Variants in CLXN observed in about 807,000 individuals in gnomAD.
The protein encoded by CLXN is calaxin, also known as EF-hand calcium binding domain 1.
the CLXN span, chr8:48,711,829 G>A: frequency 7.2e-5 from 11 of 152,288 alleles, no homozygotes; most frequent in South Asian, 1.7e-3. Context: ...CACATAGGAC[G>A]TTCCTGATTT....
At chr8:48,730,411 T>C in the CLXN span, 1 of 535,124 alleles carries the variant, frequency 1.9e-6, no homozygotes, top group Non-Finnish European at 3.3e-6. Context: ...AATAGGTTAG[T>C]GGGATTCAAA....
At chr8:48,726,837 C>A in the CLXN span, among the ~76,000 whole-genome samples, 25 of 141,008 alleles carry the variant, frequency 1.8e-4, no homozygotes, top group African/African-American at 6.6e-4. Context: ...CATTGTCCAT[C>A]CATGCATCCA....
chr8:48,727,091 TCCATTCAC>T, the CLXN span, among the ~76,000 whole-genome samples: 3 of 142,418 alleles, frequency 2.1e-5, no homozygotes, highest in African/African-American at 5.3e-5. Context: ...TATCCATTCA[TCCATTCAC>T]CCATTCACCC....
the CLXN span, chr8:48,710,856 T>A: frequency 6.6e-6 from 1 of 152,234 alleles, no homozygotes; most frequent in African/African-American, 2.4e-5. Flanking sequence ...TGACAATACA[T>A]CCTGCTTTGC....
the CLXN span, chr8:48,724,667 A>G: frequency 1.7e-6 from 2 of 1,210,244 alleles, no homozygotes; most frequent in Non-Finnish European, 2.3e-6. Flanking sequence ...ATTTTTCTGA[A>G]CTAAGTAGAA....
chr8:48,733,314 T>C, the CLXN span, among the ~76,000 whole-genome samples: 12 of 152,176 alleles, frequency 7.9e-5, no homozygotes, highest in Non-Finnish European at 1.8e-4. Flanking sequence ...GGATCAAAGG[T>C]TAGCCATAAG....
the CLXN span, among the ~76,000 whole-genome samples, chr8:48,726,268 TATCC>T: frequency 0.11 from 15,069 of 134,098 alleles, 2,411 homozygotes; most frequent in African/African-American, 0.37. Context: ...ATCATCTATC[TATCC>T]ATCCATCCAT....
chr8:48,726,932 C>T, the CLXN span, among the ~76,000 whole-genome samples: 18 of 147,234 alleles, frequency 1.2e-4, no homozygotes, highest in Non-Finnish European at 2.2e-4. Flanking sequence ...CACCCACCCA[C>T]GCATCCAACC....
chr8:48,727,374 C>G, the CLXN span, among the ~76,000 whole-genome samples: 7 of 152,084 alleles, frequency 4.6e-5, no homozygotes, highest in African/African-American at 9.7e-5. Flanking sequence ...ACAGATATAC[C>G]TAGGTAATAA....
At chr8:48,729,156 T>A in the CLXN span, 9 of 1,595,788 alleles carry the variant, frequency 5.6e-6, no homozygotes, top group East Asian at 1.8e-4. Flanking sequence ...CCTAGGGGAA[T>A]GAGAAACATG....
At chr8:48,711,919 T>A in the CLXN span, 1 of 152,208 alleles carries the variant, frequency 6.6e-6, no homozygotes, top group Non-Finnish European at 1.5e-5. Context: ...GAGAAATTAG[T>A]GAGACAATGC....
At chr8:48,719,124 G>T in the CLXN span, among the ~76,000 whole-genome samples, 1 of 151,520 alleles carries the variant, frequency 6.6e-6, no homozygotes, top group Non-Finnish European at 1.5e-5. Context: ...AAATAAAAAT[G>T]ATCATAAAAG....
the CLXN span, chr8:48,731,239 T>A: frequency 2.6e-6 from 3 of 1,132,746 alleles, no homozygotes; most frequent in Non-Finnish European, 3.6e-6. Context: ...CCAATGACAC[T>A]GGGAATGCAA....
At chr8:48,735,232 C>T in the CLXN span, 6 of 1,526,580 alleles carry the variant, frequency 3.9e-6, no homozygotes, top group Non-Finnish European at 4.5e-6. Flanking sequence ...CCCCGCGAGC[C>T]CTGGTGCTGG....
the CLXN span, among the ~76,000 whole-genome samples, chr8:48,727,133 C>T: frequency 6.6e-6 from 1 of 150,834 alleles, no homozygotes; most frequent in African/African-American, 2.4e-5. Flanking sequence ...CCCACACACC[C>T]ACATCACCCA....
the CLXN span, among the ~76,000 whole-genome samples, chr8:48,725,787 A>G: frequency 3.9e-5 from 6 of 151,952 alleles, no homozygotes; most frequent in African/African-American, 1.5e-4. Flanking sequence ...CTGGGCAACA[A>G]GAGCAAAACT....
the CLXN span, among the ~76,000 whole-genome samples, chr8:48,725,954 C>T: frequency 6.6e-6 from 1 of 151,864 alleles, no homozygotes; most frequent in African/African-American, 2.4e-5. Flanking sequence ...AGATCCAGAG[C>T]TCCCCATCAG....
At chr8:48,725,825 A>ATAAC in the CLXN span, among the ~76,000 whole-genome samples, 1 of 151,728 alleles carries the variant, frequency 6.6e-6, no homozygotes, top group African/African-American at 2.4e-5. Flanking sequence ...AAATAAATAA[A>ATAAC]TAAATAAATA....
the CLXN span, among the ~76,000 whole-genome samples, chr8:48,720,568 C>A: frequency 6.6e-6 from 1 of 152,166 alleles, no homozygotes; most frequent in African/African-American, 2.4e-5. Flanking sequence ...TGCTCTCGAA[C>A]CCCATTTTCT....
Sources: gnomAD v4.1 joint callset for allele counts (sites outside exome capture counted in the v4.1 genomes callset) on GRCh38, gnomAD v4.1.1 for gene constraint, MANE v1.5 for transcripts, NCBI Gene and HGNC (gene_info 2026-07-23, HGNC 2026-07-21) for gene names.